AKAP6: variants seen among roughly 807,000 people sequenced by gnomAD.
AKAP6 encodes the protein A-kinase anchor protein 6.
AKAP6 carries 58 observed loss-of-function variants against 188.5 expected under a neutral mutation model. The observed-to-expected ratio is 0.31, with a 90% CI of 0.25 to 0.38. The LOEUF is 0.38. AKAP6 is among the 10% of genes least tolerant of loss of function. The probability of loss-of-function intolerance (pLI) is 1.00; values close to 1 mark genes in which losing one functional copy is unlikely to be tolerated. For missense variants in AKAP6, 2,710 were observed against 2,740.0 expected, an observed-to-expected ratio of 0.99 and a Z score of 0.24; for synonymous variants, 989 against 998.6, an observed-to-expected ratio of 0.99 and a Z score of 0.18.
chr14:32,404,691 G>GATATATATATATATATATATAT (rs55702209), intron 1 of AKAP6, among the ~76,000 whole-genome samples: 1,289 of 44,246 alleles, frequency 0.029, 164 homozygotes, highest in East Asian at 0.039. Context: ...GGAGTCAGGA[G>GATATATATATATATATATATAT]ATATATATAT....
intron 2 of AKAP6, among the ~76,000 whole-genome samples, chr14:32,532,316 GT>G (rs890248920): frequency 3.9e-5 from 6 of 152,122 alleles, no homozygotes; most frequent in East Asian, 1.9e-4. Context: ...TGGGAAGGGT[GT>G]TTTTTTCCCC....
intron 7 of AKAP6, among the ~76,000 whole-genome samples, chr14:32,644,023 G>C (rs1887876905): frequency 6.6e-6 from 1 of 152,168 alleles, no homozygotes; most frequent in East Asian, 1.9e-4. Flanking sequence ...ATGCTCATGT[G>C]TGTACATTTA....
At chr14:32,357,859 T>G (rs72666154) in intron 1 of AKAP6, among the ~76,000 whole-genome samples, 2,946 of 152,358 alleles carry the variant, frequency 0.019, 56 homozygotes, top group Non-Finnish European at 0.027. Context: ...ATGCACAATC[T>G]GCATTGTAGC....
intron 2 of AKAP6, among the ~76,000 whole-genome samples, chr14:32,454,709 TTCC>T (rs1891074127): frequency 1.5e-4 from 2 of 12,950 alleles, no homozygotes; most frequent in African/African-American, 3.7e-4. Flanking sequence ...CCCTCCCTCC[TTCC>T]CTCCTTCTCT....
intron 7 of AKAP6, among the ~76,000 whole-genome samples, chr14:32,626,400 T>A (rs1887024338): frequency 6.6e-6 from 1 of 152,074 alleles, no homozygotes; most frequent in Admixed American, 6.6e-5. Flanking sequence ...ACCTTCATTG[T>A]CATCTTCCTA....
intron 4 of AKAP6, among the ~76,000 whole-genome samples, chr14:32,550,105 C>T (rs1441859171): frequency 6.6e-6 from 1 of 152,232 alleles, no homozygotes; most frequent in Non-Finnish European, 1.5e-5. Context: ...ATATTCCATT[C>T]TGAGCCTTGT....
intron 7 of AKAP6, among the ~76,000 whole-genome samples, chr14:32,667,509 A>G (rs945083966): frequency 1.7e-4 from 26 of 152,076 alleles, no homozygotes; most frequent in Non-Finnish European, 3.7e-4. Context: ...TCAATTCTAA[A>G]TCCCCAAATA....
chr14:32,610,526 C>A (rs932215368), intron 7 of AKAP6, among the ~76,000 whole-genome samples: 2 of 151,816 alleles, frequency 1.3e-5, no homozygotes, highest in African/African-American at 4.9e-5. Flanking sequence ...GCAGTGGAGA[C>A]AGATGTGCAC....
intron 11 of AKAP6, among the ~76,000 whole-genome samples, chr14:32,750,825 C>G (rs2032103287): frequency 6.7e-6 from 1 of 148,924 alleles, no homozygotes; most frequent in South Asian, 2.1e-4. Flanking sequence ...TCACTGCAAG[C>G]CCGGGTTCAC....
chr14:32,349,335 AGAGAT>A (rs60609929), intron 1 of AKAP6, among the ~76,000 whole-genome samples: 41,448 of 151,952 alleles, frequency 0.27, 5,746 homozygotes, highest in East Asian at 0.4. Flanking sequence ...AAAGATCACA[AGAGAT>A]GTTTTCCACA....
At chr14:32,743,344 A>G (rs1271056125) in intron 11 of AKAP6, among the ~76,000 whole-genome samples, 1 of 152,044 alleles carries the variant, frequency 6.6e-6, no homozygotes, top group East Asian at 1.9e-4. Context: ...TTTTTATTGG[A>G]GAATTTAGTC....
chr14:32,466,846 T>TATATATATATA (rs879653303), intron 2 of AKAP6, among the ~76,000 whole-genome samples: 3,021 of 142,122 alleles, frequency 0.021, 49 homozygotes, highest in East Asian at 0.055. Flanking sequence ...TATATATATA[T>TATATATATATA]TTTCTTTCTT....
At chr14:32,358,819 A>G (rs1386808340) in intron 1 of AKAP6, among the ~76,000 whole-genome samples, 1 of 152,188 alleles carries the variant, frequency 6.6e-6, no homozygotes, top group Non-Finnish European at 1.5e-5. Context: ...GTCAATCATC[A>G]TACAGGATGT....
At chr14:32,755,510 CAAT>C (rs2032296957) in intron 11 of AKAP6, among the ~76,000 whole-genome samples, 1 of 134,464 alleles carries the variant, frequency 7.4e-6, no homozygotes, top group Non-Finnish European at 1.5e-5. Flanking sequence ...GAGATTAAGG[CAAT>C]TATTATTATT....
intron 11 of AKAP6, among the ~76,000 whole-genome samples, chr14:32,753,785 C>T (rs1450899041): frequency 1.3e-5 from 2 of 151,892 alleles, no homozygotes; most frequent in Non-Finnish European, 2.9e-5. Flanking sequence ...TTGTTATTTT[C>T]CCATGGCGTG....
At chr14:32,697,107 A>G (rs1890436497) in intron 9 of AKAP6, among the ~76,000 whole-genome samples, 1 of 152,194 alleles carries the variant, frequency 6.6e-6, no homozygotes, top group Admixed American at 6.6e-5. Flanking sequence ...TCAAGGTCAA[A>G]TAAAAGTTGC....
chr14:32,551,388 A>G (rs140589159), intron 4 of AKAP6, among the ~76,000 whole-genome samples: 1,884 of 151,936 alleles, frequency 0.012, 51 homozygotes, highest in African/African-American at 0.043. Context: ...CCTGGCCAAC[A>G]TGGTGAAACC....
intron 1 of AKAP6, among the ~76,000 whole-genome samples, chr14:32,372,836 G>A (rs1206824878): frequency 6.6e-6 from 1 of 151,632 alleles, no homozygotes; most frequent in African/African-American, 2.4e-5. Context: ...CTGAGAGAGA[G>A]AGGAGAGAGA....
At chr14:32,602,726 C>G (rs1885978446) in intron 7 of AKAP6, among the ~76,000 whole-genome samples, 1 of 152,176 alleles carries the variant, frequency 6.6e-6, no homozygotes, top group African/African-American at 2.4e-5. Flanking sequence ...ATTTAATTAT[C>G]ATGACAAATT....
Sources: gnomAD v4.1 joint callset for allele counts (sites outside exome capture counted in the v4.1 genomes callset) on GRCh38, gnomAD v4.1.1 for gene constraint, MANE v1.5 for transcripts, NCBI Gene and HGNC (gene_info 2026-07-23, HGNC 2026-07-21) for gene names.